Variants in PCDHA11 observed in about 807,000 individuals in gnomAD.
PCDHA11 encodes the protein protocadherin alpha 11.
A neutral mutation model predicts 70.3 loss-of-function variants in PCDHA11; 61 were observed. The ratio of observed to expected loss-of-function variants is 0.87; its 90% CI spans 0.71 to 1.07. PCDHA11 has a LOEUF of 1.07. Ranked by LOEUF, PCDHA11 falls within the 50% of genes least tolerant of loss-of-function variation. The probability of loss-of-function intolerance (pLI) is 0.00; values close to 1 mark genes in which losing one functional copy is unlikely to be tolerated. For missense variants in PCDHA11, 1,324 were observed against 1,237.5 expected, an observed-to-expected ratio of 1.07 and a Z score of -1.05; for synonymous variants, 633 against 555.1, an observed-to-expected ratio of 1.14 and a Z score of -1.97.
In PCDHA11 at chr5:140,870,169, C is replaced by T; in HGVS notation, c.1066C>T (p.Leu356Phe). ...SPEVAVTSLS[L>F]PVREDAQPST... ...TGAAGTCGCCGTGACTTCCTTGTCC[C>T]TCCCAGTACGAGAGGACGCTCAGCC... The change falls in exon 1 of 4, where the codon CTC becomes TTC. Residue 356 changes from leucine to phenylalanine, a missense_variant. Transcript: ENST00000398640. 6.2e-7 allele frequency: 1 copy of T among 1,614,140 alleles called. No individual in the cohort carries two copies. The highest frequency in any genetic ancestry group is 8.5e-7 in the Non-Finnish European group (1 of 1,180,032).
At chr5:140,974,804 A>G (rs2096641388) in intron 1 of PCDHA11, among the ~76,000 whole-genome samples, 1 of 152,204 alleles carries the variant, frequency 6.6e-6, no homozygotes, top group Non-Finnish European at 1.5e-5. Context: ...TTGATATACT[A>G]GAAGACCAAT....
At position 140,890,629 on chromosome 5, in the gene PCDHA11, A is replaced by T. The variant is rs6883083; in HGVS notation, c.2391+19135A>T. On this transcript the variant is annotated intron_variant, in intron 1 of 3. Transcript: ENST00000398640. ...TAGTGCTTACCCTAGAAAATTAAGCATGTATCCTTGATATATCAAAATCAA... is the reference window on the plus strand; with the variant it reads ...TAGTGCTTACCCTAGAAAATTAAGCTTGTATCCTTGATATATCAAAATCAA... Among the ~76,000 whole-genome samples, 1,394 of 152,274 alleles carry T rather than the reference A, an allele frequency of 9.2e-3. 17 individuals are homozygous for T. Among genetic ancestry groups the T allele is most frequent in the African/African-American group, 0.032 (1,348 of 41,546 alleles).
chr5:140,984,304 G>A (rs1587007644), intron 3 of PCDHA11, among the ~76,000 whole-genome samples: 1 of 152,168 alleles, frequency 6.6e-6, no homozygotes, highest in Admixed American at 6.5e-5. Context: ...GATGCTGGTT[G>A]GTGTGTATTC....
chr5:140,897,781 T>G (rs1437567567), intron 1 of PCDHA11, among the ~76,000 whole-genome samples: 1 of 152,172 alleles, frequency 6.6e-6, no homozygotes, highest in East Asian at 1.9e-4. Flanking sequence ...TCCACAATGG[T>G]TGAACTAGTT....
chr5:140,908,846 T>C (rs2074185614), intron 1 of PCDHA11, among the ~76,000 whole-genome samples: 1 of 152,176 alleles, frequency 6.6e-6, no homozygotes, highest in South Asian at 2.1e-4. Context: ...TGGAGTAACA[T>C]ACCCAAATGA....
intron 1 of PCDHA11, among the ~76,000 whole-genome samples, chr5:140,951,891 C>T (rs913687305): frequency 1.3e-5 from 2 of 152,110 alleles, no homozygotes; most frequent in Non-Finnish European, 2.9e-5. Context: ...TCTCTTCTGC[C>T]TATGAGCCTG....
chr5:140,876,575 T>C (rs2153342882), intron 1 of PCDHA11: 1 of 1,614,152 alleles, frequency 6.2e-7, no homozygotes, highest in South Asian at 1.1e-5. Context: ...GTGGGTACCG[T>C]CATTGCCCTG....
chr5:140,976,584 A>G (rs2096724055), intron 1 of PCDHA11, among the ~76,000 whole-genome samples: 1 of 152,070 alleles, frequency 6.6e-6, no homozygotes. Context: ...TAAAACACAG[A>G]CTTTTGTGTT....
At chr5:140,937,150 G>C (rs2153631833) in intron 1 of PCDHA11, among the ~76,000 whole-genome samples, 1 of 149,812 alleles carries the variant, frequency 6.7e-6, no homozygotes, top group East Asian at 2.0e-4. Context: ...CCATTCTCCT[G>C]CCTCAGCCTC....
intron 1 of PCDHA11, among the ~76,000 whole-genome samples, chr5:140,919,585 G>A (rs2079204849): frequency 6.6e-6 from 1 of 151,898 alleles, no homozygotes; most frequent in African/African-American, 2.4e-5. Flanking sequence ...ATGTAACATG[G>A]TAATTTTTAA....
intron 3 of PCDHA11, among the ~76,000 whole-genome samples, chr5:140,996,121 G>A (rs2097712758): frequency 6.6e-6 from 1 of 152,212 alleles, no homozygotes; most frequent in Admixed American, 6.5e-5. Flanking sequence ...GTGCAGGGTG[G>A]TGTAGAGGGT....
intron 3 of PCDHA11, among the ~76,000 whole-genome samples, chr5:140,995,850 C>T (rs924455609): frequency 3.9e-5 from 6 of 152,080 alleles, no homozygotes; most frequent in African/African-American, 1.4e-4. Context: ...ACATTTCTAT[C>T]GTATCACTTA....
At chr5:140,986,938 G>A (rs1025641797) in intron 3 of PCDHA11, among the ~76,000 whole-genome samples, 1 of 152,158 alleles carries the variant, frequency 6.6e-6, no homozygotes, top group African/African-American at 2.4e-5. Flanking sequence ...TGGAGGCTGG[G>A]TGTGGTCGCT....
intron 1 of PCDHA11, chr5:140,876,368 C>T (rs564115297): frequency 3.7e-5 from 59 of 1,613,904 alleles, no homozygotes; most frequent in Non-Finnish European, 4.9e-5. Context: ...AATCCAGACA[C>T]AGGTGAAATT....
chr5:140,879,003 G>C (rs781827510), intron 1 of PCDHA11, among the ~76,000 whole-genome samples: 1 of 152,144 alleles, frequency 6.6e-6, no homozygotes, highest in African/African-American at 2.4e-5. Flanking sequence ...GTATGCCCTA[G>C]AAATCAGATA....
intron 1 of PCDHA11, among the ~76,000 whole-genome samples, chr5:140,903,411 A>G (rs265314): frequency 0.015 from 2,274 of 152,338 alleles, 53 homozygotes; most frequent in African/African-American, 0.052. Flanking sequence ...TGCAGTCAGG[A>G]AAAATTCAGC....
chr5:140,882,234 T>C, intron 1 of PCDHA11: 1 of 1,579,306 alleles, frequency 6.3e-7, no homozygotes, highest in Non-Finnish European at 8.6e-7. Flanking sequence ...GCGTTGTATA[T>C]ATTGCAGATA....
intron 3 of PCDHA11, among the ~76,000 whole-genome samples, chr5:140,985,803 G>T (rs536777034): frequency 2.9e-5 from 4 of 139,766 alleles, no homozygotes; most frequent in Non-Finnish European, 6.0e-5. Context: ...GCAGTGGCAC[G>T]ATCTCAGCTC....
At chr5:140,926,664 C>T (rs2083450429) in intron 1 of PCDHA11, 1 of 546,968 alleles carries the variant, frequency 1.8e-6, no homozygotes, top group East Asian at 3.5e-5. Context: ...CTTTCCCAGA[C>T]GGCTGCCCAG....
Sources: allele counts gnomAD v4.1 joint callset (sites outside exome capture counted in the v4.1 genomes callset), GRCh38; gene constraint gnomAD v4.1.1; transcripts MANE v1.5; gene names NCBI Gene and HGNC (gene_info 2026-07-23, HGNC 2026-07-21).